Variants in MALRD1 observed in about 807,000 individuals in gnomAD.
The protein encoded by MALRD1 is MAM and LDL-receptor class A domain-containing protein 1.
A neutral mutation model predicts 242.1 loss-of-function variants in MALRD1; 247 were observed. That is an observed-to-expected ratio of 1.02 (90% CI 0.92 to 1.13). MALRD1 has a LOEUF of 1.13. Among genes scored for constraint, MALRD1 ranks in the 50% most tolerant of loss-of-function variants. The pLI, the probability that MALRD1 is intolerant of heterozygous loss-of-function variation, is 0.00. For synonymous variants in MALRD1, 995 were observed against 866.6 expected (o/e 1.15, Z -2.60); for missense variants, 2,989 against 2,533.1 (o/e 1.18, Z -3.86).
chr10:19,101,388 T>A (rs953779772), intron 4 of MALRD1, among the ~76,000 whole-genome samples: 7 of 143,504 alleles, frequency 4.9e-5, no homozygotes, highest in Middle Eastern at 4.0e-3. Flanking sequence ...AACTTGGGTA[T>A]GTATATTGTA....
chr10:19,283,030 T>G lies in MALRD1; in HGVS notation c.3268T>G (p.Cys1090Gly), dbSNP rs1225548683. 6.5e-7 allele frequency: 1 copy of G among 1,545,204 alleles called. No individual in the cohort carries two copies. The highest frequency in any genetic ancestry group is 2.5e-5 in the East Asian group (1 of 40,676). Residue 1090 changes from cysteine (C) to glycine (G), a missense_variant, in exon 21 of 40, where the codon TGC becomes GGC. Physicochemically the swap from Cys to Gly is radical, Grantham distance 159. Coordinates refer to ENST00000454679, the MANE Select transcript of MALRD1 (RefSeq NM_001142308.3). Reference sequence around the variant, plus strand: ...CTACCCCATCCAAGTTATGGAAGTTTGCAGCTTTGAGAAAAGAAGCCTGTG... The same window carrying G: ...CTACCCCATCCAAGTTATGGAAGTTGGCAGCTTTGAGAAAAGAAGCCTGTG... ...SDEASCVMEV[C>G]SFEKRSLCKW...
chr10:19,218,353 T>C (rs540763962), intron 18 of MALRD1, among the ~76,000 whole-genome samples: 132 of 152,304 alleles, frequency 8.7e-4, no homozygotes, highest in African/African-American at 3.0e-3. Context: ...CTTTTCTTTT[T>C]TCTTATGAAC....
chr10:19,147,544 C>G (rs1833765847), intron 11 of MALRD1, among the ~76,000 whole-genome samples: 1 of 152,212 alleles, frequency 6.6e-6, no homozygotes, highest in South Asian at 2.1e-4. Flanking sequence ...CACATTTTCT[C>G]TAAACTCATA....
chr10:19,363,895 A>G (rs1315228637), intron 26 of MALRD1, among the ~76,000 whole-genome samples: 1 of 152,106 alleles, frequency 6.6e-6, no homozygotes, highest in Non-Finnish European at 1.5e-5. Context: ...AGGACTGATC[A>G]TCAGGTGATT....
intron 32 of MALRD1, among the ~76,000 whole-genome samples, chr10:19,560,652 G>A (rs1835922598): frequency 6.6e-6 from 1 of 152,156 alleles, no homozygotes; most frequent in Non-Finnish European, 1.5e-5. Context: ...ATGAGTTCAT[G>A]TCTTTTGCCG....
intron 19 of MALRD1, among the ~76,000 whole-genome samples, chr10:19,270,336 T>TCTCACACACACACA (rs1366865915): frequency 1.5e-5 from 2 of 130,962 alleles, no homozygotes; most frequent in African/African-American, 5.5e-5. Flanking sequence ...TCTCTCTCTC[T>TCTCACACACACACA]CACACACACA....
intron 1 of MALRD1, among the ~76,000 whole-genome samples, chr10:19,050,372 C>T (rs1310723640): frequency 6.6e-5 from 10 of 151,084 alleles, no homozygotes; most frequent in Admixed American, 6.6e-5. Context: ...CAGGCGTGAG[C>T]CACCGCGCCC....
chr10:19,405,452 T>A (rs997849614), intron 28 of MALRD1, among the ~76,000 whole-genome samples: 3 of 152,160 alleles, frequency 2.0e-5, no homozygotes, highest in African/African-American at 7.2e-5. Context: ...TTCTAGTTGC[T>A]GCCTGAGAGT....
intron 29 of MALRD1, among the ~76,000 whole-genome samples, chr10:19,471,909 T>A (rs1016270641): frequency 6.6e-6 from 1 of 151,946 alleles, no homozygotes; most frequent in Non-Finnish European, 1.5e-5. Context: ...TTGGATGACT[T>A]TTATTTCCTT....
intron 12 of MALRD1, among the ~76,000 whole-genome samples, chr10:19,165,266 T>TATATATATATATATATATATATATATA (rs1554801500): frequency 9.0e-4 from 104 of 116,152 alleles, no homozygotes; most frequent in African/African-American, 1.3e-3. Context: ...TATATATATA[T>TATATATATATATATATATATATATATA]TTTGTTTTGT....
chr10:19,367,473 G>T (rs776267315), intron 26 of MALRD1, among the ~76,000 whole-genome samples: 13 of 151,988 alleles, frequency 8.6e-5, no homozygotes, highest in Non-Finnish European at 1.6e-4. Context: ...GAATAAGATT[G>T]CATTGCATAT....
chr10:19,272,546 G>A (rs547873021), intron 19 of MALRD1, among the ~76,000 whole-genome samples: 6 of 151,782 alleles, frequency 4.0e-5, no homozygotes, highest in Non-Finnish European at 8.8e-5. Flanking sequence ...TTTAAGTTCC[G>A]GGATACATGT....
intron 19 of MALRD1, among the ~76,000 whole-genome samples, chr10:19,269,970 C>G (rs16918451): frequency 0.077 from 11,774 of 152,236 alleles, 771 homozygotes; most frequent in Admixed American, 0.21. Context: ...TGATTTCTCT[C>G]TAATGATTAT....
intron 36 of MALRD1, among the ~76,000 whole-genome samples, chr10:19,658,119 G>T (rs970713793): frequency 1.3e-5 from 2 of 151,980 alleles, no homozygotes; most frequent in Admixed American, 1.3e-4. Flanking sequence ...TTGCACTCCA[G>T]CCTGGGCAAC....
At chr10:19,716,055 C>G (rs1834371159) in intron 38 of MALRD1, among the ~76,000 whole-genome samples, 2 of 152,178 alleles carry the variant, frequency 1.3e-5, no homozygotes, top group Non-Finnish European at 1.5e-5. Context: ...GACAAAACAT[C>G]CAAATCATAT....
At chr10:19,548,358 T>C (rs1189106082) in intron 32 of MALRD1, among the ~76,000 whole-genome samples, 5 of 152,130 alleles carry the variant, frequency 3.3e-5, no homozygotes, top group African/African-American at 1.2e-4. Context: ...TCCCAGTGTT[T>C]ATAAGTTTTA....
rs980335367 is a variant in MALRD1, at chr10:19,389,606, C to G, written c.4842C>G (p.Ile1614Met). ...CCACAGGATCCATTCAGATTCTCAT[C>G]AAGGTAGGAACATGGCCTGTGATGC... ...AKATGSIQIL[I>M]KTEKGLSKVW... The change falls in exon 28 of 40, where the codon ATC (isoleucine) becomes ATG (methionine). Residue 1614 changes from isoleucine (I) to methionine (M), a missense_variant. Ile to Met is a conservative substitution (Grantham distance 10). Transcript: ENST00000454679. The G allele has an allele frequency of 1.5e-5, 23 of 1,549,324 alleles. No individual in the cohort carries two copies. Among genetic ancestry groups the G allele is most frequent in the Non-Finnish European group, 1.8e-5 (21 of 1,146,440 alleles).
intron 38 of MALRD1, among the ~76,000 whole-genome samples, chr10:19,700,267 G>A (rs1833566327): frequency 6.6e-6 from 1 of 152,150 alleles, no homozygotes; most frequent in Admixed American, 6.5e-5. Context: ...AGAGGGGCAT[G>A]CTTCAGAGCC....
At chr10:19,048,410 A>G (rs1390020863), upstream of MALRD1, among the ~76,000 whole-genome samples, 1 of 152,206 alleles carries the variant, frequency 6.6e-6, no homozygotes, top group Non-Finnish European at 1.5e-5. Context: ...TGAGTTTTCT[A>G]TTTCATAATA....
Sources: allele counts gnomAD v4.1 joint callset (sites outside exome capture counted in the v4.1 genomes callset), GRCh38; gene constraint gnomAD v4.1.1; transcripts MANE v1.5; gene names NCBI Gene and HGNC (gene_info 2026-07-23, HGNC 2026-07-21).